Variants in CFAP20DC observed in about 807,000 individuals in gnomAD.
CFAP20DC encodes protein CFAP20DC.
In CFAP20DC, 84 loss-of-function variants were observed where a neutral mutation model predicts 101.7. The observed-to-expected ratio is 0.83, with a 90% CI of 0.69 to 0.99. CFAP20DC has a LOEUF of 0.99. Ranked by LOEUF, CFAP20DC falls within the 50% of genes least tolerant of loss-of-function variation. The pLI is 0.00. For synonymous variants in CFAP20DC, 359 were observed against 351.2 expected (o/e 1.02, Z -0.25); for missense variants, 1,007 against 970.3 (o/e 1.04, Z -0.50).
chr3:58,978,132 G>A (rs998590477), intron 4 of CFAP20DC, among the ~76,000 whole-genome samples: 8 of 152,142 alleles, frequency 5.3e-5, no homozygotes, highest in East Asian at 3.9e-4. Flanking sequence ...AAAAAAATGC[G>A]GGGAAGCATC....
chr3:58,883,390 T>C (rs2108643197), intron 7 of CFAP20DC, among the ~76,000 whole-genome samples: 1 of 152,326 alleles, frequency 6.6e-6, no homozygotes, highest in East Asian at 1.9e-4. Flanking sequence ...GAAGTTATCA[T>C]TTCTCTACCT....
At chr3:58,749,481 A>G (rs562081371) in intron 16 of CFAP20DC, among the ~76,000 whole-genome samples, 2 of 152,350 alleles carry the variant, frequency 1.3e-5, no homozygotes, top group South Asian at 2.1e-4. Flanking sequence ...TAAACTCTTT[A>G]CTAGTAATTT....
intron 4 of CFAP20DC, among the ~76,000 whole-genome samples, chr3:58,985,329 C>A (rs1426109678): frequency 1.3e-5 from 2 of 152,226 alleles, no homozygotes; most frequent in East Asian, 3.9e-4. Flanking sequence ...CCTTCCTCTT[C>A]AACTCTACTC....
rs1333213727 is a variant in CFAP20DC, at chr3:59,007,226, C to A, written c.278+32331G>T. On this transcript the variant is annotated intron_variant, in intron 4 of 16. Coordinates refer to ENST00000482387, the MANE Select transcript of CFAP20DC (RefSeq NM_001394063.1). This position sits in a 1 kb window ranked among gnomAD's most constrained non-coding sequence, Gnocchi z 4.4. ...AGTCTGAGCTCATACTCACCTAATCCTGCCCCCATCTGAAGGTACTCCTCT... is the reference window on the plus strand; with the variant it reads ...AGTCTGAGCTCATACTCACCTAATCATGCCCCCATCTGAAGGTACTCCTCT... Among the ~76,000 whole-genome samples the A allele has an allele frequency of 6.6e-6, 1 of 152,170 alleles. No individual in the cohort carries two copies. Among genetic ancestry groups the A allele is most frequent in the African/African-American group, 2.4e-5 (1 of 41,428 alleles).
At chr3:58,736,136 A>G (rs1472261986) in intron 3 of CFAP20DC, among the ~76,000 whole-genome samples, 2 of 152,232 alleles carry the variant, frequency 1.3e-5, no homozygotes, top group East Asian at 3.8e-4. Flanking sequence ...ATAGATATCA[A>G]AAGTCAAAGA....
intron 7 of CFAP20DC, among the ~76,000 whole-genome samples, chr3:58,876,516 G>A (rs1316881433): frequency 6.6e-6 from 1 of 152,068 alleles, no homozygotes; most frequent in East Asian, 1.9e-4. Flanking sequence ...TCATGTTCTA[G>A]GCATTTCATT....
rs1412240775 is a variant in CFAP20DC, at chr3:59,001,981, T to A, written c.278+37576A>T. 2.6e-5 allele frequency among the ~76,000 whole-genome samples: 4 copies of A among 152,206 alleles called. No individual in the cohort carries two copies. The highest frequency in any genetic ancestry group is 5.9e-5 in the Non-Finnish European group (4 of 68,032). ...GTGAACTATTAAACAAAAATGTAAGTAACTTTTGGCATTTTTTAATACCGG... is the reference window on the plus strand; with the variant it reads ...GTGAACTATTAAACAAAAATGTAAGAAACTTTTGGCATTTTTTAATACCGG... On this transcript the variant is annotated intron_variant, in intron 4 of 16. Coordinates refer to ENST00000482387, the MANE Select transcript of CFAP20DC (RefSeq NM_001394063.1). This position sits in a 1 kb window ranked among gnomAD's most constrained non-coding sequence, Gnocchi z 4.5.
chr3:58,981,459 C>G (rs1373033999), intron 4 of CFAP20DC, among the ~76,000 whole-genome samples: 1 of 152,174 alleles, frequency 6.6e-6, no homozygotes, highest in Non-Finnish European at 1.5e-5. Context: ...TCAAACTATA[C>G]TACAAGGCTA....
intron 4 of CFAP20DC, among the ~76,000 whole-genome samples, chr3:59,023,565 G>A (rs1001088802): frequency 6.6e-6 from 1 of 151,970 alleles, no homozygotes; most frequent in Non-Finnish European, 1.5e-5. Context: ...GAGGAGGAGT[G>A]GAATGAATTA....
chr3:59,039,519 T>C (rs2094160348), intron 4 of CFAP20DC, 38 bp downstream of exon 4: 1 of 1,237,462 alleles, frequency 8.1e-7, no homozygotes, highest in Non-Finnish European at 1.1e-6. Flanking sequence ...AAATGTCTAA[T>C]ACACACAAAA....
At chr3:58,719,293 T>C (rs1185224850) in intron 3 of CFAP20DC, among the ~76,000 whole-genome samples, 2 of 152,160 alleles carry the variant, frequency 1.3e-5, no homozygotes, top group Non-Finnish European at 2.9e-5. Flanking sequence ...GCAAGCTTAC[T>C]TTGCCATGGG....
chr3:58,897,479 T>C lies in CFAP20DC; in HGVS notation c.551-12770A>G, dbSNP rs921500292. Among the ~76,000 whole-genome samples the C allele has an allele frequency of 2.0e-5, 3 of 152,210 alleles. No homozygotes were observed. Among genetic ancestry groups the C allele is most frequent in the African/African-American group, 4.8e-5 (2 of 41,456 alleles). On this transcript the variant is annotated intron_variant, in intron 6 of 16. Coordinates refer to ENST00000482387, the MANE Select transcript of CFAP20DC (RefSeq NM_001394063.1). This position sits in a 1 kb window ranked among gnomAD's most constrained non-coding sequence, Gnocchi z 4.4. Reference sequence around the variant, plus strand: ...ATGTTACTGGGCTGTGTACTTCAGATACACTGTACTTCAGTGTGTTTTTGT... The same window carrying C: ...ATGTTACTGGGCTGTGTACTTCAGACACACTGTACTTCAGTGTGTTTTTGT...
intron 6 of CFAP20DC, among the ~76,000 whole-genome samples, chr3:58,887,720 C>A (rs2081772924): frequency 6.6e-6 from 1 of 152,220 alleles, no homozygotes; most frequent in African/African-American, 2.4e-5. Flanking sequence ...CACCCAACAT[C>A]TTTCCTTTCT....
rs1283738523 is a variant in CFAP20DC at position 58,732,390 on chromosome 3, T to C, written c.198-14762A>G. The stretch of plus-strand genomic sequence containing the variant: ...CTTGTTATGATAAAGTTGTAGATAT[T>C]GTTTATAGAATGTGATCAGGTGGCA... On this transcript the variant is annotated intron_variant, in intron 3 of 3. Coordinates refer to the CFAP20DC transcript ENST00000486145. This position sits in a 1 kb window ranked among gnomAD's most constrained non-coding sequence, Gnocchi z 5.4. 6.6e-6 allele frequency among the ~76,000 whole-genome samples: 1 copy of C among 152,218 alleles called. No individual in the cohort carries two copies. Among genetic ancestry groups the C allele is most frequent in the Non-Finnish European group, 1.5e-5 (1 of 68,044 alleles).
At chr3:58,823,541 G>C (rs1298734504) in intron 14 of CFAP20DC, among the ~76,000 whole-genome samples, 1 of 152,082 alleles carries the variant, frequency 6.6e-6, no homozygotes, top group East Asian at 1.9e-4. Context: ...GAAATAAATA[G>C]GATGAACAAC....
chr3:58,974,171 T>C (rs976418959), intron 4 of CFAP20DC, among the ~76,000 whole-genome samples: 3 of 152,134 alleles, frequency 2.0e-5, no homozygotes, highest in Non-Finnish European at 2.9e-5. Flanking sequence ...TGCGTGTCAC[T>C]GAAGTTTGGT....
At chr3:58,992,142 G>A (rs2092960236) in intron 4 of CFAP20DC, among the ~76,000 whole-genome samples, 1 of 152,156 alleles carries the variant, frequency 6.6e-6, no homozygotes, top group Non-Finnish European at 1.5e-5. Context: ...TAGGGTCTCA[G>A]CCAGCAAATG....
At chr3:58,806,059 CTT>C (rs2074029941) in intron 15 of CFAP20DC, among the ~76,000 whole-genome samples, 1 of 152,170 alleles carries the variant, frequency 6.6e-6, no homozygotes. Flanking sequence ...TAAATTAACA[CTT>C]AGTGAGAACT....
intron 14 of CFAP20DC, among the ~76,000 whole-genome samples, chr3:58,816,782 C>T (rs2075201946): frequency 2.0e-5 from 3 of 152,116 alleles, no homozygotes; most frequent in African/African-American, 7.2e-5. Context: ...CTGGGTGGAG[C>T]CCACCACAGC....
Sources: gnomAD v4.1 joint callset for allele counts (sites outside exome capture counted in the v4.1 genomes callset) on GRCh38, gnomAD v4.1.1 for gene constraint, Gnocchi (gnomAD v3.1) non-coding constraint, MANE v1.5 for transcripts, NCBI Gene and HGNC (gene_info 2026-07-23, HGNC 2026-07-21) for gene names.